The following COL22A1 variants were observed in gnomAD, a reference collection of about 807,000 sequenced individuals.
COL22A1 encodes collagen alpha-1(XXII) chain.
Under a neutral mutation model 248.9 loss-of-function variants are expected in COL22A1, and 221 were observed. The observed-to-expected ratio is 0.89, with a 90% CI of 0.80 to 0.99. The LOEUF (loss-of-function observed/expected upper bound fraction) is 0.99, where lower values mean the gene tolerates loss of function less well. COL22A1 is among the 50% of genes least tolerant of loss of function. The probability of loss-of-function intolerance (pLI) is 0.00; values close to 1 mark genes in which losing one functional copy is unlikely to be tolerated. For missense variants in COL22A1, 2,240 were observed against 2,179.0 expected (o/e 1.03, Z -0.56); for synonymous variants, 891 against 793.4 (o/e 1.12, Z -2.07).
At chr8:138,906,861 C>G (rs535617093) in intron 1 of COL22A1, among the ~76,000 whole-genome samples, 1 of 152,164 alleles carries the variant, frequency 6.6e-6, no homozygotes, top group African/African-American at 2.4e-5. Flanking sequence ...CCATGTTGGC[C>G]AGGCTGGTCT....
chr8:138,771,858 G>A (rs1005221152), intron 16 of COL22A1, among the ~76,000 whole-genome samples: 15 of 152,312 alleles, frequency 9.8e-5, no homozygotes, highest in African/African-American at 3.6e-4. Flanking sequence ...CCTGCGGAGA[G>A]CTCTTTGCTT....
chr8:138,761,771 C>T (rs577627902), intron 17 of COL22A1, among the ~76,000 whole-genome samples: 3 of 152,130 alleles, frequency 2.0e-5, no homozygotes, highest in South Asian at 2.1e-4. Flanking sequence ...ATAGATGATG[C>T]GTTCACATGG....
intron 3 of COL22A1, among the ~76,000 whole-genome samples, chr8:138,867,492 T>C (rs1822988627): frequency 6.6e-6 from 1 of 152,164 alleles, no homozygotes; most frequent in African/African-American, 2.4e-5. Context: ...GGTAACTATC[T>C]GCCAGATTGG....
At chr8:138,844,186 T>C in intron 3 of COL22A1, 28 bp from the exon 4 acceptor site, 1 of 1,607,354 alleles carries the variant, frequency 6.2e-7, no homozygotes, top group Non-Finnish European at 8.5e-7. Flanking sequence ...AAACAGAGAC[T>C]GATGAGAAAA....
chr8:138,699,306 C>T (rs1481274270), intron 32 of COL22A1, among the ~76,000 whole-genome samples: 2 of 152,172 alleles, frequency 1.3e-5, no homozygotes, highest in Non-Finnish European at 2.9e-5. Flanking sequence ...TTGCATCACA[C>T]GCAGGATTCT....
In COL22A1 at chr8:138,664,229, A is replaced by G. The variant is rs1317016872; in HGVS notation, c.3151-489T>C. Among the ~76,000 whole-genome samples, 411 of 149,322 alleles carry G rather than the reference A, an allele frequency of 2.8e-3. 4 individuals are homozygous for G. Among genetic ancestry groups the G allele is most frequent in the East Asian group, 4.7e-3 (23 of 4,944 alleles). Reference sequence around the variant, plus strand: ...CGCGCGCACACACACACACACACACACACACACACACACACACACACACAC... The same window carrying G: ...CGCGCGCACACACACACACACACACGCACACACACACACACACACACACAC... On this transcript the variant is annotated intron_variant, in intron 41 of 64. Transcript: ENST00000303045.
At chr8:138,645,395 G>A (rs562023163) in intron 47 of COL22A1, among the ~76,000 whole-genome samples, 1 of 152,198 alleles carries the variant, frequency 6.6e-6, no homozygotes, top group East Asian at 1.9e-4. Flanking sequence ...CTCTCTCTCA[G>A]GCATAGTGTC....
At chr8:138,822,840 C>T (rs1291823338) in intron 6 of COL22A1, among the ~76,000 whole-genome samples, 2 of 152,154 alleles carry the variant, frequency 1.3e-5, no homozygotes, top group Non-Finnish European at 2.9e-5. Context: ...GACATATATC[C>T]TCCTCTGTGA....
At chr8:138,725,693 C>T (rs1474694378) in intron 23 of COL22A1, among the ~76,000 whole-genome samples, 1 of 151,788 alleles carries the variant, frequency 6.6e-6, no homozygotes, top group Non-Finnish European at 1.5e-5. Context: ...ATCTATTCTG[C>T]TATATATTCA....
intron 4 of COL22A1, among the ~76,000 whole-genome samples, chr8:138,839,425 G>A (rs1365686307): frequency 6.6e-6 from 1 of 152,202 alleles, no homozygotes; most frequent in Non-Finnish European, 1.5e-5. Flanking sequence ...GGGCTTTAAA[G>A]TGAGGGAGAA....
chr8:138,748,818 T>C (rs1396641131), intron 22 of COL22A1, among the ~76,000 whole-genome samples: 1 of 152,170 alleles, frequency 6.6e-6, no homozygotes, highest in Non-Finnish European at 1.5e-5. Context: ...GCAGTCACCC[T>C]GGGAAGCACA....
chr8:138,893,274 T>C (rs1472703453), intron 1 of COL22A1, among the ~76,000 whole-genome samples: 2 of 152,238 alleles, frequency 1.3e-5, no homozygotes, highest in Non-Finnish European at 2.9e-5. Flanking sequence ...GCTAGCATAA[T>C]GACTAAGCTT....
rs138194771 is a variant in COL22A1 at position 138,656,046 on chromosome 8, G to A, written c.3286-102C>T. 63 of 926,824 alleles carry A rather than the reference G, an allele frequency of 6.8e-5. No individual in the cohort carries two copies. The African/African-American group carries it at 7.6e-4, about 11-fold the overall frequency. The allele number at this position is 926,824 out of a possible 1,614,324, so 57.4% of individuals were successfully genotyped here. Reference sequence around the variant, plus strand: ...AGGACTTTAAAGTGTGACACAATACGTGACACACTGCGCCGTGCGTGGGAT... The same window carrying A: ...AGGACTTTAAAGTGTGACACAATACATGACACACTGCGCCGTGCGTGGGAT... On this transcript the variant is annotated intron_variant, in intron 44 of 64. Transcript: ENST00000303045.
At position 138,826,698 on chromosome 8, in the gene COL22A1, C is replaced by G. The variant is rs1464666666; in HGVS notation, c.929G>C (p.Trp310Ser). 1.9e-6 allele frequency: 3 copies of G among 1,613,836 alleles called. No individual in the cohort carries two copies. Among genetic ancestry groups the G allele is most frequent in the African/African-American group, 1.3e-5 (1 of 74,876 alleles). The change falls in exon 6 of 65, where the codon TGG becomes TCG. Residue 310 changes from tryptophan (W) to serine (S), a missense_variant. By Grantham distance (177) the Trp-to-Ser change is radical. Transcript: ENST00000303045. ...RFRKTSRKED[W>S]YIWQVIDQYS... The stretch of plus-strand genomic sequence containing the variant: ...CTGGTCGATGACCTGCCAGATATAC[C>G]AGTCTTCCTTCCGAGAGGTTTTCCT...
At chr8:138,891,359 T>G (rs1302378106) in intron 1 of COL22A1, among the ~76,000 whole-genome samples, 1 of 152,162 alleles carries the variant, frequency 6.6e-6, no homozygotes, top group African/African-American at 2.4e-5. Flanking sequence ...TCAGGGAGGA[T>G]AGACAACTTC....
At chr8:138,811,272 TACAC>T (rs10566309) in intron 9 of COL22A1, among the ~76,000 whole-genome samples, 1,525 of 148,574 alleles carry the variant, frequency 0.01, 11 homozygotes, top group African/African-American at 0.015. Context: ...TATATATATA[TACAC>T]ACACACACAC....
At chr8:138,762,269 C>T in intron 17 of COL22A1, 144 bp downstream of exon 17, 1 of 729,770 alleles carries the variant, frequency 1.4e-6, no homozygotes, top group South Asian at 1.8e-5. Context: ...CAGCCGGGGT[C>T]TGGTCCTAAG....
At chr8:138,864,950 G>A (rs1398684939) in intron 3 of COL22A1, among the ~76,000 whole-genome samples, 1 of 152,208 alleles carries the variant, frequency 6.6e-6, no homozygotes, top group Non-Finnish European at 1.5e-5. Context: ...GGGGGTTGTG[G>A]CACCCCAGGG....
chr8:138,692,408 T>A (rs62527927), intron 35 of COL22A1, among the ~76,000 whole-genome samples: 1 of 149,446 alleles, frequency 6.7e-6, no homozygotes, highest in Non-Finnish European at 1.5e-5. Context: ...CATGTGTGTG[T>A]ATGTGTGTGT....
Sources: gnomAD v4.1 joint callset for allele counts (sites outside exome capture counted in the v4.1 genomes callset) on GRCh38, gnomAD v4.1.1 for gene constraint, MANE v1.5 for transcripts, NCBI Gene and HGNC (gene_info 2026-07-23, HGNC 2026-07-21) for gene names.